NEBL: variants seen among roughly 807,000 people sequenced by gnomAD.
NEBL encodes the protein nebulette, also known as LIM and SH3 protein 2.
A neutral mutation model predicts 140.2 loss-of-function variants in NEBL; 122 were observed. The observed-to-expected ratio is 0.87, with a 90% confidence interval of 0.75 to 1.01. The LOEUF is 1.01. Ranked by LOEUF, NEBL falls within the 50% of genes least tolerant of loss-of-function variation. The pLI is 0.00. For missense variants in NEBL, 1,365 were observed against 1,231.3 expected (o/e 1.11, Z -1.62); for synonymous variants, 436 against 398.9 (o/e 1.09, Z -1.11).
At chr10:20,931,324 C>G (rs573651537) in intron 4 of NEBL, among the ~76,000 whole-genome samples, 90 of 152,296 alleles carry the variant, frequency 5.9e-4, no homozygotes, top group Non-Finnish European at 9.6e-4. Context: ...TCAGAATCAA[C>G]TCTGTTTATT....
At chr10:20,884,129 G>A (rs1564418798) in intron 4 of NEBL, among the ~76,000 whole-genome samples, 1 of 152,136 alleles carries the variant, frequency 6.6e-6, no homozygotes, top group Non-Finnish European at 1.5e-5. Flanking sequence ...GTTTATATAA[G>A]TGATAAATAC....
intron 3 of NEBL, among the ~76,000 whole-genome samples, chr10:21,241,830 C>T (rs1285724893): frequency 6.6e-6 from 1 of 152,198 alleles, no homozygotes; most frequent in East Asian, 1.9e-4. Context: ...GTAAAGTCAT[C>T]AAGTTCTTTA....
At chr10:20,834,061 A>G (rs1840664204) in intron 14 of NEBL, among the ~76,000 whole-genome samples, 1 of 152,186 alleles carries the variant, frequency 6.6e-6, no homozygotes, top group African/African-American at 2.4e-5. Flanking sequence ...TTTCCCTTGC[A>G]GACAACAAAA....
intron 5 of NEBL, among the ~76,000 whole-genome samples, chr10:20,872,777 A>C (rs1240080727): frequency 1.3e-5 from 2 of 152,036 alleles, no homozygotes; most frequent in African/African-American, 2.4e-5. Flanking sequence ...TCAGTGCTAC[A>C]CTCCCACCAG....
intron 2 of NEBL, among the ~76,000 whole-genome samples, chr10:21,120,146 G>C (rs965335147): frequency 1.3e-5 from 2 of 151,676 alleles, no homozygotes; most frequent in Non-Finnish European, 2.9e-5. Context: ...TGATGCAGGA[G>C]GATCCCTTGA....
chr10:20,812,726 C>A (rs1838283304), intron 24 of NEBL, 43 bp downstream of exon 24: 5 of 1,610,196 alleles, frequency 3.1e-6, no homozygotes, highest in African/African-American at 1.3e-5. Context: ...CAAGCATGAT[C>A]TTTTCGACCA....
At chr10:21,159,721 T>C (rs974080236) in intron 2 of NEBL, among the ~76,000 whole-genome samples, 2 of 152,212 alleles carry the variant, frequency 1.3e-5, no homozygotes, top group African/African-American at 2.4e-5. Context: ...TTCTCCATCA[T>C]CTTTTCACCT....
chr10:20,833,821 G>A (rs1840644129), intron 14 of NEBL, among the ~76,000 whole-genome samples: 1 of 152,148 alleles, frequency 6.6e-6, no homozygotes, highest in Non-Finnish European at 1.5e-5. Context: ...TTCTGGTTAG[G>A]AAGCTATGGC....
chr10:21,047,474 C>T (rs945328605), intron 2 of NEBL, among the ~76,000 whole-genome samples: 3 of 151,970 alleles, frequency 2.0e-5, no homozygotes, highest in Non-Finnish European at 4.4e-5. Flanking sequence ...ACTCACATTT[C>T]TCCTAAACAC....
chr10:20,821,286 C>T (rs1159373954), intron 19 of NEBL, among the ~76,000 whole-genome samples: 4 of 152,190 alleles, frequency 2.6e-5, no homozygotes, highest in Non-Finnish European at 4.4e-5. Flanking sequence ...CTCTTCAATA[C>T]TCTTATCCTT....
intron 2 of NEBL, among the ~76,000 whole-genome samples, chr10:21,136,725 C>T (rs1839373881): frequency 6.6e-6 from 1 of 152,186 alleles, no homozygotes; most frequent in Non-Finnish European, 1.5e-5. Flanking sequence ...TCTCCATGTT[C>T]CAAAACCACC....
At chr10:21,263,170 G>A (rs1189133208) in intron 1 of NEBL, among the ~76,000 whole-genome samples, 1 of 152,116 alleles carries the variant, frequency 6.6e-6, no homozygotes, top group East Asian at 1.9e-4. Context: ...CTTAGCGTAG[G>A]TATTTACCCA....
intron 5 of NEBL, among the ~76,000 whole-genome samples, chr10:20,875,746 C>T (rs1011071032): frequency 6.6e-6 from 1 of 152,134 alleles, no homozygotes; most frequent in Non-Finnish European, 1.5e-5. Context: ...GCCAGCCAGC[C>T]AGCCATGGGG....
rs944415915 is a variant in NEBL, at chr10:21,147,325, C to T, written c.164+25058G>A. Among the ~76,000 whole-genome samples the T allele has an allele frequency of 2.6e-5, 4 of 151,912 alleles. No individual in the cohort carries two copies. In the East Asian group the frequency reaches 7.7e-4, roughly 29 times the overall value. ...CCAGTTTCTCAGAAGAAGGGGTCCTCATCAGCAGAGAAAGTCCCTCTCCTC... is the reference window on the plus strand; with the variant it reads ...CCAGTTTCTCAGAAGAAGGGGTCCTTATCAGCAGAGAAAGTCCCTCTCCTC... On this transcript the variant is annotated intron_variant, in intron 2 of 6. Coordinates refer to the NEBL transcript ENST00000417816.
At chr10:21,175,527 T>C (rs772106911), upstream of NEBL, among the ~76,000 whole-genome samples, 29 of 152,244 alleles carry the variant, frequency 1.9e-4, no homozygotes, top group Admixed American at 3.9e-4. Context: ...CTGCAGCTTT[T>C]CATGACAAAA....
intron 2 of NEBL, among the ~76,000 whole-genome samples, chr10:21,085,374 A>C (rs1387139379): frequency 6.6e-6 from 1 of 152,156 alleles, no homozygotes; most frequent in Non-Finnish European, 1.5e-5. Context: ...GGAATCCCAG[A>C]AGTTTGGGAA....
chr10:21,074,052 G>A (rs574465095), intron 2 of NEBL, among the ~76,000 whole-genome samples: 1 of 152,206 alleles, frequency 6.6e-6, no homozygotes, highest in South Asian at 2.1e-4. Flanking sequence ...TCCAGCCTGG[G>A]CGACAGAGTG....
chr10:20,965,594 C>T (rs1836272932), intron 3 of NEBL, among the ~76,000 whole-genome samples: 1 of 152,186 alleles, frequency 6.6e-6, no homozygotes, highest in African/African-American at 2.4e-5. Context: ...TTTGCACGCC[C>T]TGAGGATGTT....
At chr10:21,244,179 G>GT (rs1253941708) in intron 3 of NEBL, among the ~76,000 whole-genome samples, 2 of 151,708 alleles carry the variant, frequency 1.3e-5, no homozygotes, top group Admixed American at 6.6e-5. Context: ...TATTCTTTTT[G>GT]TTTTTTGACA....
Sources: allele counts gnomAD v4.1 joint callset (sites outside exome capture counted in the v4.1 genomes callset), GRCh38; gene constraint gnomAD v4.1.1; transcripts MANE v1.5; gene names NCBI Gene and HGNC (gene_info 2026-07-23, HGNC 2026-07-21).